Variants in AGBL1 observed in about 807,000 individuals in gnomAD.
AGBL1 encodes AGBL carboxypeptidase 1.
In AGBL1, 130 loss-of-function variants were observed where a neutral mutation model predicts 118.9. That is an observed-to-expected ratio of 1.09 (90% CI 0.95 to 1.26). The LOEUF is 1.26. AGBL1 is among the 50% of genes most tolerant of loss of function. AGBL1 has a pLI of 0.00. For synonymous variants in AGBL1, 555 were observed against 478.9 expected (o/e 1.16, Z -2.08); for missense variants, 1,584 against 1,298.1 (o/e 1.22, Z -3.38).
At chr15:86,926,717 G>C (rs569846528) in intron 23 of AGBL1, among the ~76,000 whole-genome samples, 1 of 152,336 alleles carries the variant, frequency 6.6e-6, no homozygotes, top group East Asian at 1.9e-4. Context: ...AATAGAAATA[G>C]AGGTAAAAAA....
intron 22 of AGBL1, among the ~76,000 whole-genome samples, chr15:86,874,530 T>C (rs376891885): frequency 1.3e-5 from 2 of 152,068 alleles, no homozygotes; most frequent in African/African-American, 4.8e-5. Flanking sequence ...CTGGTTCTTA[T>C]TGAAGGAGTA....
chr15:86,176,222 G>T (rs1054162436), intron 5 of AGBL1, among the ~76,000 whole-genome samples: 1 of 152,198 alleles, frequency 6.6e-6, no homozygotes, highest in South Asian at 2.1e-4. Context: ...CCTGAAGCCT[G>T]CTGATGGTGC....
At chr15:86,323,727 T>C (rs971197402) in intron 17 of AGBL1, among the ~76,000 whole-genome samples, 2 of 152,230 alleles carry the variant, frequency 1.3e-5, no homozygotes, top group African/African-American at 2.4e-5. Context: ...TCTACCTTGC[T>C]TGACCATCTG....
chr15:86,309,136 TC>T (rs1374246330), intron 17 of AGBL1, among the ~76,000 whole-genome samples: 1 of 152,186 alleles, frequency 6.6e-6, no homozygotes, highest in Admixed American at 6.5e-5. Context: ...CTCTTTCACC[TC>T]CTTGGTTAAA....
chr15:86,965,393 C>CT (rs891802721), intron 23 of AGBL1, among the ~76,000 whole-genome samples: 3 of 151,498 alleles, frequency 2.0e-5, no homozygotes, highest in East Asian at 1.9e-4. Context: ...TGATGATGAA[C>CT]TTTTTTTTTC....
intron 1 of AGBL1, among the ~76,000 whole-genome samples, chr15:86,102,233 G>A (rs920892957): frequency 6.6e-6 from 1 of 151,934 alleles, no homozygotes; most frequent in African/African-American, 2.4e-5. Context: ...TAGCGATGGG[G>A]TTTTGCCACA....
intron 18 of AGBL1, among the ~76,000 whole-genome samples, chr15:86,482,031 G>T (rs772799323): frequency 3.3e-5 from 5 of 152,146 alleles, no homozygotes; most frequent in Non-Finnish European, 5.9e-5. Flanking sequence ...CTGCTGTGTT[G>T]TTCCCAGCCT....
intron 5 of AGBL1, among the ~76,000 whole-genome samples, chr15:86,199,426 ACATTTGGC>A (rs577277578): frequency 1.8e-4 from 28 of 152,330 alleles, no homozygotes; most frequent in African/African-American, 5.3e-4. Context: ...GGCTCTCAAG[ACATTTGGC>A]CATTTGGCCA....
chr15:86,775,917 T>C (rs535225355), intron 22 of AGBL1, among the ~76,000 whole-genome samples: 1 of 152,282 alleles, frequency 6.6e-6, no homozygotes, highest in South Asian at 2.1e-4. Flanking sequence ...CCTTAACATC[T>C]TAGAGAAAAG....
chr15:86,486,156 C>T (rs768356034), intron 18 of AGBL1, among the ~76,000 whole-genome samples: 24 of 152,128 alleles, frequency 1.6e-4, no homozygotes, highest in African/African-American at 2.2e-4. Flanking sequence ...TGTAAAATAA[C>T]GATCAAGTAT....
chr15:86,390,324 T>A (rs1175116479), intron 17 of AGBL1, among the ~76,000 whole-genome samples: 1 of 152,190 alleles, frequency 6.6e-6, no homozygotes, highest in Non-Finnish European at 1.5e-5. Context: ...CTCTCAATAA[T>A]TCATGGAACA....
chr15:86,754,438 G>A (rs1264701364), intron 22 of AGBL1, among the ~76,000 whole-genome samples: 1 of 152,080 alleles, frequency 6.6e-6, no homozygotes, highest in East Asian at 1.9e-4. Context: ...TGATGTCTGG[G>A]TTTTGTTTAT....
rs143618974 is a variant in AGBL1, at chr15:86,523,672, C to T, written c.2685+733C>T. On this transcript the variant is annotated intron_variant, in intron 19 of 22. Transcript: ENST00000614907. Reference sequence around the variant, plus strand: ...TATACCTATTAAATAGTGTTTGGAACGAAATCCTCTAGGTGTTTATGTTCA... The same window carrying T: ...TATACCTATTAAATAGTGTTTGGAATGAAATCCTCTAGGTGTTTATGTTCA... Among the ~76,000 whole-genome samples, 259 of 148,344 alleles carry T rather than the reference C, an allele frequency of 1.7e-3. 2 individuals carry two copies. The highest frequency in any genetic ancestry group is 6.0e-3 in the African/African-American group (235 of 39,282).
At chr15:86,667,238 G>GTATC (rs1317883898) in intron 21 of AGBL1, among the ~76,000 whole-genome samples, 4 of 100,900 alleles carry the variant, frequency 4.0e-5, no homozygotes, top group African/African-American at 1.3e-4. Flanking sequence ...ATGTATGTAT[G>GTATC]TATGTATGTA....
chr15:86,312,078 G>C (rs1454872888), intron 17 of AGBL1: 1 of 152,238 alleles, frequency 6.6e-6, no homozygotes, highest in African/African-American at 2.4e-5. Flanking sequence ...GTTAGAGTAA[G>C]TGATGAGTGA....
At chr15:86,263,901 A>AT (rs2079031324) in intron 10 of AGBL1, among the ~76,000 whole-genome samples, 2 of 152,260 alleles carry the variant, frequency 1.3e-5, no homozygotes, top group African/African-American at 4.8e-5. Context: ...TAGTATAAAA[A>AT]TTTTTTTCAA....
At chr15:86,679,839 A>G (rs1355933037) in intron 22 of AGBL1, among the ~76,000 whole-genome samples, 1 of 152,108 alleles carries the variant, frequency 6.6e-6, no homozygotes. Flanking sequence ...AATCTTATAG[A>G]TTTTCTAATA....
At chr15:86,627,056 A>G (rs1004436490) in intron 21 of AGBL1, among the ~76,000 whole-genome samples, 3 of 151,570 alleles carry the variant, frequency 2.0e-5, no homozygotes, top group Admixed American at 1.3e-4. Context: ...GCTGGAATGC[A>G]ATGGCGCAAT....
At chr15:86,185,545 G>A (rs976274311) in intron 5 of AGBL1, among the ~76,000 whole-genome samples, 56 of 152,006 alleles carry the variant, frequency 3.7e-4, no homozygotes, top group African/African-American at 1.3e-3. Context: ...AGAAAACGTG[G>A]GACATATATA....
Sources: allele counts gnomAD v4.1 joint callset (sites outside exome capture counted in the v4.1 genomes callset), GRCh38; gene constraint gnomAD v4.1.1; transcripts MANE v1.5; gene names NCBI Gene and HGNC (gene_info 2026-07-23, HGNC 2026-07-21).